The following PTPRT variants were observed in gnomAD, a reference collection of about 807,000 sequenced individuals.
The protein encoded by PTPRT is protein tyrosine phosphatase receptor type T.
A neutral mutation model predicts 176.8 loss-of-function variants in PTPRT; 56 were observed. That is an observed-to-expected ratio of 0.32 (90% CI 0.26 to 0.40). PTPRT has a LOEUF of 0.40. Ranked by LOEUF, PTPRT falls within the 10% of genes least tolerant of loss-of-function variation. The probability of loss-of-function intolerance (pLI) is 1.00; values close to 1 mark genes in which losing one functional copy is unlikely to be tolerated. For synonymous variants in PTPRT, 783 were observed against 739.0 expected, an observed-to-expected ratio of 1.06 and a Z score of -0.96; for missense variants, 1,540 against 1,908.2, an observed-to-expected ratio of 0.81 and a Z score of 3.60.
At chr20:42,650,067 T>C (rs796433922) in intron 7 of PTPRT, among the ~76,000 whole-genome samples, 9 of 152,324 alleles carry the variant, frequency 5.9e-5, no homozygotes, top group African/African-American at 1.9e-4. Context: ...AAGAGGGGCA[T>C]AGTCTTTTAG....
intron 1 of PTPRT, among the ~76,000 whole-genome samples, chr20:42,992,052 C>T (rs1169161170): frequency 6.6e-6 from 1 of 152,032 alleles, no homozygotes; most frequent in Non-Finnish European, 1.5e-5. Flanking sequence ...GACATAATTT[C>T]TCTAGAAATT....
chr20:42,324,889 C>A (rs6093622), intron 11 of PTPRT, among the ~76,000 whole-genome samples: 1 of 152,002 alleles, frequency 6.6e-6, no homozygotes, highest in Non-Finnish European at 1.5e-5. Context: ...GGTGTACATT[C>A]GGCAGATTAG....
chr20:42,680,780 A>C (rs16987231), intron 6 of PTPRT, among the ~76,000 whole-genome samples: 2 of 152,196 alleles, frequency 1.3e-5, no homozygotes, highest in Non-Finnish European at 2.9e-5. Context: ...AAAGTATTAA[A>C]TCTTTCCAAA....
intron 16 of PTPRT, among the ~76,000 whole-genome samples, chr20:42,193,998 G>T (rs1432402847): frequency 6.6e-6 from 1 of 152,026 alleles, no homozygotes; most frequent in Non-Finnish European, 1.5e-5. Context: ...TGTATGATTT[G>T]GGCCATGAAA....
intron 11 of PTPRT, among the ~76,000 whole-genome samples, chr20:42,317,538 A>C (rs2057738083): frequency 6.6e-6 from 1 of 152,174 alleles, no homozygotes; most frequent in Non-Finnish European, 1.5e-5. Flanking sequence ...CCCCAAACCA[A>C]TCATTTAAAC....
chr20:42,800,834 G>A (rs1397579167), intron 2 of PTPRT, among the ~76,000 whole-genome samples: 6 of 152,122 alleles, frequency 3.9e-5, no homozygotes, highest in South Asian at 2.1e-4. Context: ...TTGGGTCATC[G>A]CTATTATTGC....
intron 4 of PTPRT, among the ~76,000 whole-genome samples, chr20:42,771,771 T>C (rs916290933): frequency 1.3e-5 from 2 of 152,150 alleles, no homozygotes; most frequent in African/African-American, 4.8e-5. Context: ...ATCCATGAAG[T>C]GGGCAGTATC....
At chr20:42,428,649 C>T (rs2059188287) in intron 9 of PTPRT, among the ~76,000 whole-genome samples, 1 of 152,196 alleles carries the variant, frequency 6.6e-6, no homozygotes, top group Admixed American at 6.5e-5. Flanking sequence ...CTGAATATGT[C>T]TACTCAGTTG....
intron 9 of PTPRT, among the ~76,000 whole-genome samples, chr20:42,444,582 T>G (rs1446569481): frequency 6.6e-6 from 1 of 152,168 alleles, no homozygotes; most frequent in African/African-American, 2.4e-5. Flanking sequence ...GTTATAGTAA[T>G]GAAACTTCCC....
At chr20:42,927,597 A>AAAGGGAAAGGGAAGGGG (rs1466680731) in intron 1 of PTPRT, among the ~76,000 whole-genome samples, 1 of 151,910 alleles carries the variant, frequency 6.6e-6, no homozygotes, top group African/African-American at 2.4e-5. Context: ...AAAAGAAAGG[A>AAAGGGAAAGGGAAGGGG]AAGGGAAAGG....
chr20:42,240,265 A>C (rs552450057), intron 14 of PTPRT, among the ~76,000 whole-genome samples: 2 of 152,304 alleles, frequency 1.3e-5, no homozygotes, highest in Admixed American at 6.5e-5. Context: ...ATTAAACTGC[A>C]AAGTCTTCTA....
At chr20:42,576,598 A>T (rs2073266314) in intron 7 of PTPRT, among the ~76,000 whole-genome samples, 2 of 152,138 alleles carry the variant, frequency 1.3e-5, no homozygotes, top group Non-Finnish European at 2.9e-5. Flanking sequence ...TCTGCCCCAG[A>T]GTTCTCTGGA....
At chr20:42,595,158 G>A (rs192301941) in intron 7 of PTPRT, among the ~76,000 whole-genome samples, 1 of 152,030 alleles carries the variant, frequency 6.6e-6, no homozygotes, top group East Asian at 1.9e-4. Context: ...AAGAATCTTG[G>A]GCACGGGGGT....
At chr20:42,482,069 G>A (rs2071397418) in intron 7 of PTPRT, among the ~76,000 whole-genome samples, 1 of 152,146 alleles carries the variant, frequency 6.6e-6, no homozygotes, top group Non-Finnish European at 1.5e-5. Flanking sequence ...TAGAGGCCAA[G>A]AATTCTTTCC....
At chr20:42,243,885 G>T (rs2056402426) in intron 14 of PTPRT, among the ~76,000 whole-genome samples, 1 of 152,190 alleles carries the variant, frequency 6.6e-6, no homozygotes, top group South Asian at 2.1e-4. Flanking sequence ...TCAGAGTATA[G>T]CTGCAGTTTA....
intron 1 of PTPRT, among the ~76,000 whole-genome samples, chr20:42,923,628 A>C (rs765756880): frequency 3.3e-5 from 5 of 152,272 alleles, no homozygotes; most frequent in Non-Finnish European, 7.4e-5. Flanking sequence ...CCTTTAAGAA[A>C]ACCAGAGCCT....
chr20:42,678,210 G>A (rs374150089), intron 6 of PTPRT, 51 bp from the exon 7 acceptor site: 120 of 1,543,178 alleles, frequency 7.8e-5, no homozygotes, highest in Admixed American at 1.4e-4. Flanking sequence ...GATTTACAGA[G>A]CAGACTACAA....
chr20:42,277,326 A>C (rs1204005043), intron 13 of PTPRT, among the ~76,000 whole-genome samples: 1 of 152,196 alleles, frequency 6.6e-6, no homozygotes, highest in Non-Finnish European at 1.5e-5. Context: ...TCAGTTTGCA[A>C]ATCAAATCAA....
At chr20:42,170,982 T>C (rs989067885) in intron 16 of PTPRT, among the ~76,000 whole-genome samples, 1 of 152,210 alleles carries the variant, frequency 6.6e-6, no homozygotes, top group African/African-American at 2.4e-5. Context: ...AAAATGGCTA[T>C]GTATAAAAAA....
Sources: gnomAD v4.1 joint callset for allele counts (sites outside exome capture counted in the v4.1 genomes callset) on GRCh38, gnomAD v4.1.1 for gene constraint, MANE v1.5 for transcripts, NCBI Gene and HGNC (gene_info 2026-07-23, HGNC 2026-07-21) for gene names.